FNDC3B: variants seen among roughly 807,000 people sequenced by gnomAD.
FNDC3B encodes the protein fibronectin type III domain-containing protein 3B.
In FNDC3B, 12 loss-of-function variants were observed where a neutral mutation model predicts 151.5. That is an observed-to-expected ratio of 0.08 (90% CI 0.05 to 0.13). The LOEUF (loss-of-function observed/expected upper bound fraction) is 0.13. Among genes scored for constraint, FNDC3B ranks in the 10% least tolerant of loss-of-function variants. FNDC3B has a pLI of 1.00. For synonymous variants in FNDC3B, 528 were observed against 549.0 expected (o/e 0.96, Z 0.54); for missense variants, 1,214 against 1,505.3 (o/e 0.81, Z 3.20).
chr3:172,108,360 G>A (rs190616943), intron 1 of FNDC3B, among the ~76,000 whole-genome samples: 8 of 152,250 alleles, frequency 5.3e-5, no homozygotes, highest in East Asian at 1.9e-4. Context: ...ATTTCCATTC[G>A]CAATCATTAC....
At chr3:172,138,759 A>G (rs925419341) in intron 3 of FNDC3B, among the ~76,000 whole-genome samples, 6 of 152,272 alleles carry the variant, frequency 3.9e-5, no homozygotes, top group African/African-American at 1.2e-4. Flanking sequence ...ATCTTTTACC[A>G]TAGCAGTTAA....
intron 6 of FNDC3B, among the ~76,000 whole-genome samples, chr3:172,269,714 G>C (rs1246530887): frequency 1.3e-5 from 2 of 151,794 alleles, no homozygotes; most frequent in Non-Finnish European, 2.9e-5. Context: ...GCACAGTCTC[G>C]ACTCACTGCA....
At chr3:172,145,204 T>A (rs562847422) in intron 3 of FNDC3B, among the ~76,000 whole-genome samples, 1 of 152,188 alleles carries the variant, frequency 6.6e-6, no homozygotes, top group Non-Finnish European at 1.5e-5. Flanking sequence ...CTTCACTTTA[T>A]TTAAAAAGCT....
chr3:172,261,334 C>T (rs1728636694), intron 6 of FNDC3B, among the ~76,000 whole-genome samples: 1 of 152,194 alleles, frequency 6.6e-6, no homozygotes, highest in African/African-American at 2.4e-5. Context: ...GCTATGTCAA[C>T]ATCGATTTTG....
chr3:172,182,027 G>A (rs1270291183), intron 3 of FNDC3B, among the ~76,000 whole-genome samples: 1 of 152,136 alleles, frequency 6.6e-6, no homozygotes, highest in Admixed American at 6.5e-5. Context: ...TTGGGATGCT[G>A]CACTGAGTAA....
intron 3 of FNDC3B, among the ~76,000 whole-genome samples, chr3:172,166,254 T>A (rs1722996737): frequency 6.6e-6 from 1 of 152,250 alleles, no homozygotes; most frequent in South Asian, 2.1e-4. Flanking sequence ...TATTGGACTA[T>A]TTTGATCACT....
intron 11 of FNDC3B, among the ~76,000 whole-genome samples, chr3:172,320,528 G>T (rs1439503486): frequency 5.9e-5 from 9 of 152,174 alleles, no homozygotes; most frequent in Non-Finnish European, 1.3e-4. Flanking sequence ...TTAATCTTGT[G>T]CCAGGAATGA....
chr3:172,071,628 TA>T, intron 1 of FNDC3B, among the ~76,000 whole-genome samples: 1 of 152,330 alleles, frequency 6.6e-6, no homozygotes, highest in South Asian at 2.1e-4. Flanking sequence ...GTCAGATTTA[TA>T]AGTCAGATTG....
intron 3 of FNDC3B, among the ~76,000 whole-genome samples, chr3:172,145,567 A>G (rs1416087608): frequency 6.6e-6 from 1 of 152,228 alleles, no homozygotes; most frequent in African/African-American, 2.4e-5. Context: ...AGATCCAGCA[A>G]TGTCAGTTTT....
At chr3:172,294,007 T>C (rs1730466787) in intron 7 of FNDC3B, among the ~76,000 whole-genome samples, 1 of 152,228 alleles carries the variant, frequency 6.6e-6, no homozygotes, top group African/African-American at 2.4e-5. Context: ...GTCTGTATTG[T>C]CTTTTTTGTT....
chr3:172,275,320 C>G (rs946989533), intron 6 of FNDC3B, among the ~76,000 whole-genome samples: 1 of 152,052 alleles, frequency 6.6e-6, no homozygotes, highest in Admixed American at 6.5e-5. Flanking sequence ...AATATACATG[C>G]AGAAGACATT....
At chr3:172,085,629 C>A (rs1217816469) in intron 1 of FNDC3B, among the ~76,000 whole-genome samples, 1 of 152,190 alleles carries the variant, frequency 6.6e-6, no homozygotes, top group East Asian at 1.9e-4. Context: ...CCTTGTTAGG[C>A]AATTGAAACT....
intron 4 of FNDC3B, among the ~76,000 whole-genome samples, chr3:172,243,550 A>C (rs1421086250): frequency 3.3e-5 from 5 of 152,148 alleles, no homozygotes; most frequent in Admixed American, 3.3e-4. Flanking sequence ...TTAAATCACC[A>C]TCATGAGAAC....
At chr3:172,049,086 T>C (rs1716506138) in intron 1 of FNDC3B, among the ~76,000 whole-genome samples, 2 of 152,212 alleles carry the variant, frequency 1.3e-5, no homozygotes, top group African/African-American at 4.8e-5. Context: ...CTAAGTTGAA[T>C]GCAGAAAATG....
At chr3:172,374,825 C>T (rs1329165217) in intron 23 of FNDC3B, among the ~76,000 whole-genome samples, 1 of 152,206 alleles carries the variant, frequency 6.6e-6, no homozygotes, top group East Asian at 1.9e-4. Flanking sequence ...TCATAGTCTA[C>T]AGAGCCAATT....
chr3:172,378,496 ATAGAAAGAAG>A, intron 24 of FNDC3B, 60 bp downstream of exon 24: 7 of 1,410,332 alleles, frequency 5.0e-6, no homozygotes, highest in Non-Finnish European at 6.7e-6. Context: ...GTTGGGACTT[ATAGAAAGAAG>A]CTCTTTTCTG....
At chr3:172,390,647 G>T (rs1430635836) in intron 25 of FNDC3B, among the ~76,000 whole-genome samples, 1 of 151,562 alleles carries the variant, frequency 6.6e-6, no homozygotes, top group Non-Finnish European at 1.5e-5. Flanking sequence ...GCAAATTCTG[G>T]AAACTGTAGA....
chr3:172,368,531 A>T (rs1363859319), intron 23 of FNDC3B, among the ~76,000 whole-genome samples: 1 of 152,190 alleles, frequency 6.6e-6, no homozygotes, highest in Admixed American at 6.5e-5. Flanking sequence ...TATGACATCC[A>T]CCAGCAGGCT....
intron 25 of FNDC3B, among the ~76,000 whole-genome samples, chr3:172,389,600 C>A (rs1235787522): frequency 6.6e-6 from 1 of 152,114 alleles, no homozygotes; most frequent in African/African-American, 2.4e-5. Flanking sequence ...GGGTGGCTCA[C>A]GCCTGTAGTA....
Sources: allele counts gnomAD v4.1 joint callset (sites outside exome capture counted in the v4.1 genomes callset), GRCh38; gene constraint gnomAD v4.1.1; transcripts MANE v1.5; gene names NCBI Gene and HGNC (gene_info 2026-07-23, HGNC 2026-07-21).